PRKG1: variants seen among roughly 807,000 people sequenced by gnomAD.
The protein encoded by PRKG1 is protein kinase cGMP-dependent 1, also known as cGMP-dependent protein kinase 1.
Under a neutral mutation model 88.1 loss-of-function variants are expected in PRKG1, and 35 were observed. The ratio of observed to expected loss-of-function variants is 0.40; its 90% CI spans 0.30 to 0.53. PRKG1 has a LOEUF of 0.53. Ranked by LOEUF, PRKG1 falls within the 20% of genes least tolerant of loss-of-function variation. The probability of loss-of-function intolerance (pLI) is 0.59; values close to 1 mark genes in which losing one functional copy is unlikely to be tolerated. For synonymous variants in PRKG1, 303 were observed against 292.5 expected (o/e 1.04, Z -0.37); for missense variants, 540 against 839.8 (o/e 0.64, Z 4.41).
intron 1 of PRKG1, among the ~76,000 whole-genome samples, chr10:51,093,518 C>G (rs376111892): frequency 2.6e-4 from 39 of 151,994 alleles, no homozygotes; most frequent in East Asian, 2.3e-3. Flanking sequence ...TCTGCCCATA[C>G]CAGTCTGAAA....
chr10:51,274,719 T>A (rs940549771), intron 2 of PRKG1, among the ~76,000 whole-genome samples: 1 of 152,216 alleles, frequency 6.6e-6, no homozygotes, highest in Non-Finnish European at 1.5e-5. Context: ...CTTAAAAAGT[T>A]AAAAATCCAT....
At chr10:51,263,136 T>C (rs899840947) in intron 2 of PRKG1, among the ~76,000 whole-genome samples, 12 of 152,218 alleles carry the variant, frequency 7.9e-5, no homozygotes, top group African/African-American at 2.4e-4. Flanking sequence ...GGGGCTTCCA[T>C]TGATAAACTT....
At chr10:51,136,696 C>T (rs549778355) in intron 1 of PRKG1, among the ~76,000 whole-genome samples, 40 of 151,996 alleles carry the variant, frequency 2.6e-4, no homozygotes, top group African/African-American at 8.9e-4. Context: ...TAAGCTCTAT[C>T]TCTTTTCTTT....
chr10:51,210,341 T>G (rs886317941), intron 2 of PRKG1, among the ~76,000 whole-genome samples: 1 of 151,898 alleles, frequency 6.6e-6, no homozygotes, highest in African/African-American at 2.4e-5. Context: ...TTTATAGCAC[T>G]AAATGCCCAC....
At position 52,063,781 on chromosome 10, in the gene PRKG1, T is replaced by G. The variant is rs562168030; in HGVS notation, c.935+1150T>G. On this transcript the variant is annotated intron_variant, in intron 7 of 17. Coordinates refer to ENST00000373980, the MANE Select transcript of PRKG1 (RefSeq NM_006258.4). ...GTAGGCAGGTCGTCCCAATGAGTGT[T>G]CAGTTGTCAACAGAGAGGGTAGCTC... Among the ~76,000 whole-genome samples the G allele has an allele frequency of 1.1e-4, 16 of 152,022 alleles. No individual in the cohort carries two copies. The South Asian group carries it at 3.1e-3, about 30-fold the overall frequency.
At chr10:51,521,203 G>A (rs894961683) in intron 3 of PRKG1, among the ~76,000 whole-genome samples, 12 of 152,130 alleles carry the variant, frequency 7.9e-5, no homozygotes, top group Admixed American at 5.2e-4. Context: ...CAGGAGAATC[G>A]CTTGAACCCA....
intron 7 of PRKG1, among the ~76,000 whole-genome samples, chr10:52,124,387 T>C (rs903475768): frequency 6.6e-6 from 1 of 152,174 alleles, no homozygotes; most frequent in Non-Finnish European, 1.5e-5. Flanking sequence ...AACAGTAGTA[T>C]TTGTGTATCT....
intron 9 of PRKG1, among the ~76,000 whole-genome samples, chr10:52,246,618 TG>T (rs1420751043): frequency 1.3e-5 from 2 of 152,172 alleles, no homozygotes; most frequent in Admixed American, 1.3e-4. Flanking sequence ...GGCTCATGCC[TG>T]TAATCCCAGC....
chr10:51,794,760 CA>C (rs1195063517), intron 3 of PRKG1, among the ~76,000 whole-genome samples: 1 of 151,206 alleles, frequency 6.6e-6, no homozygotes, highest in Non-Finnish European at 1.5e-5. Context: ...TTTTATCTGC[CA>C]ATTTAAAAAA....
intron 10 of PRKG1, among the ~76,000 whole-genome samples, chr10:52,270,250 G>C (rs1841684336): frequency 6.6e-6 from 1 of 152,080 alleles, no homozygotes; most frequent in Non-Finnish European, 1.5e-5. Flanking sequence ...GGAGAAATAG[G>C]AACACTTTTA....
chr10:51,683,349 C>CAAA (rs1840898283), intron 3 of PRKG1, among the ~76,000 whole-genome samples: 1 of 151,834 alleles, frequency 6.6e-6, no homozygotes, highest in Admixed American at 6.6e-5. Flanking sequence ...CAAAACAAAA[C>CAAA]ACCACAATGA....
chr10:51,430,773 G>C (rs1203691528), intron 2 of PRKG1, among the ~76,000 whole-genome samples: 3 of 152,146 alleles, frequency 2.0e-5, no homozygotes, highest in African/African-American at 7.2e-5. Context: ...CAATGAAAAG[G>C]AATGAATGAA....
intron 3 of PRKG1, among the ~76,000 whole-genome samples, chr10:51,637,178 C>T (rs911446702): frequency 2.6e-5 from 4 of 152,046 alleles, no homozygotes; most frequent in Non-Finnish European, 5.9e-5. Flanking sequence ...AAAAAAAGCT[C>T]AACATCATTA....
intron 1 of PRKG1, among the ~76,000 whole-genome samples, chr10:51,128,705 C>T (rs1457973860): frequency 6.6e-6 from 1 of 151,912 alleles, no homozygotes; most frequent in East Asian, 1.9e-4. Flanking sequence ...TTTTAATTGC[C>T]ATAGGAATAC....
intron 7 of PRKG1, among the ~76,000 whole-genome samples, chr10:52,094,371 T>A (rs1847125784): frequency 6.6e-6 from 1 of 152,196 alleles, no homozygotes; most frequent in Admixed American, 6.5e-5. Flanking sequence ...TTTTTTGATA[T>A]TTTTATTTAA....
At chr10:52,040,211 T>G (rs757292812) in intron 5 of PRKG1, among the ~76,000 whole-genome samples, 2 of 152,240 alleles carry the variant, frequency 1.3e-5, no homozygotes, top group Non-Finnish European at 2.9e-5. Context: ...CTATTTTTGC[T>G]ATAGGGTTCA....
At chr10:50,993,728 G>A (rs948389002) in intron 1 of PRKG1, among the ~76,000 whole-genome samples, 16 of 152,244 alleles carry the variant, frequency 1.1e-4, no homozygotes, top group African/African-American at 2.9e-4. Context: ...GGATATGGAG[G>A]GGACAGGAGA....
intron 3 of PRKG1, among the ~76,000 whole-genome samples, chr10:51,787,301 G>A (rs1034607779): frequency 2.6e-5 from 4 of 152,118 alleles, no homozygotes; most frequent in African/African-American, 9.7e-5. Context: ...TCTGTATTAT[G>A]CATATATAAA....
At chr10:51,629,005 A>T (rs1459102877) in intron 3 of PRKG1, among the ~76,000 whole-genome samples, 1 of 152,072 alleles carries the variant, frequency 6.6e-6, no homozygotes, top group African/African-American at 2.4e-5. Context: ...AAAAAACTGC[A>T]AGTTATGTTA....
Sources: allele counts gnomAD v4.1 joint callset (sites outside exome capture counted in the v4.1 genomes callset), GRCh38; gene constraint gnomAD v4.1.1; transcripts MANE v1.5; gene names NCBI Gene and HGNC (gene_info 2026-07-23, HGNC 2026-07-21).